Variants in PGAP3 observed in about 807,000 individuals in gnomAD.
PGAP3 encodes GPI-specific phospholipase A2-like PGAP3.
In PGAP3, 31 loss-of-function variants were observed where a neutral mutation model predicts 40.3. The ratio of observed to expected loss-of-function variants is 0.77; its 90% CI spans 0.58 to 1.04. The LOEUF (loss-of-function observed/expected upper bound fraction) is 1.04, where lower values mean the gene tolerates loss of function less well. Among genes scored for constraint, PGAP3 ranks in the 50% least tolerant of loss-of-function variants. The pLI, the probability that PGAP3 is intolerant of heterozygous loss-of-function variation, is 0.00. For synonymous variants in PGAP3, 191 were observed against 184.5 expected, an observed-to-expected ratio of 1.04 and a Z score of -0.29; for missense variants, 413 against 423.0, an observed-to-expected ratio of 0.98 and a Z score of 0.21.
chr17:39,680,209 G>A (rs886815536), intron 3 of PGAP3, among the ~76,000 whole-genome samples: 1 of 152,206 alleles, frequency 6.6e-6, no homozygotes, highest in African/African-American at 2.4e-5. Flanking sequence ...TCAGGCCCTG[G>A]AGCCAGACAG....
chr17:39,686,523 G>A (rs915888416), intron 1 of PGAP3, among the ~76,000 whole-genome samples: 6 of 151,062 alleles, frequency 4.0e-5, no homozygotes, highest in African/African-American at 1.5e-4. Flanking sequence ...CCTAAAGTGC[G>A]GGGATTGCAG....
chr17:39,687,223 C>T (rs1202863157), intron 1 of PGAP3, among the ~76,000 whole-genome samples: 3 of 152,186 alleles, frequency 2.0e-5, no homozygotes, highest in African/African-American at 7.2e-5. Flanking sequence ...TTGGGCAGGG[C>T]ATTTAATCTC....
In PGAP3 at chr17:39,682,825, T is replaced by A. The variant is rs551581983; in HGVS notation, c.432+1772A>T. ...CGAGCACGGTGGCTGATGCCTGTAATCCCAGCACTTTGGGAGGGTGAGGTG... is the reference window on the plus strand; with the variant it reads ...CGAGCACGGTGGCTGATGCCTGTAAACCCAGCACTTTGGGAGGGTGAGGTG... On this transcript the variant is annotated intron_variant, in intron 3 of 7. Coordinates refer to ENST00000300658, the MANE Select transcript of PGAP3 (RefSeq NM_033419.5). 1.3e-4 allele frequency among the ~76,000 whole-genome samples: 20 copies of A among 152,232 alleles called. No individual in the cohort carries two copies. In the East Asian group the frequency reaches 3.5e-3, roughly 26 times the overall value.
rs144614117 is a variant in PGAP3, at chr17:39,676,929, A to T, written c.433-2250T>A. On this transcript the variant is annotated intron_variant, in intron 3 of 7. Transcript: ENST00000300658. ...AGGCCTAAGAGGATGTCTGCCTCCCACTCTCCCTGCAGGCCAAGGATGTTT... is the reference window on the plus strand; with the variant it reads ...AGGCCTAAGAGGATGTCTGCCTCCCTCTCTCCCTGCAGGCCAAGGATGTTT... 5.3e-5 allele frequency among the ~76,000 whole-genome samples: 8 copies of T among 151,732 alleles called. No individual in the cohort carries two copies. The South Asian group carries it at 1.7e-3, about 32-fold the overall frequency.
chr17:39,675,357 G>T (rs529288083), intron 3 of PGAP3, among the ~76,000 whole-genome samples: 1 of 152,220 alleles, frequency 6.6e-6, no homozygotes, highest in African/African-American at 2.4e-5. Flanking sequence ...AATTAGCTGC[G>T]TGGAGAGAGC....
rs936330728 is a variant in PGAP3, at chr17:39,671,153, C to T, written c.*1650G>A. 1.3e-5 allele frequency: 2 copies of T among 152,500 alleles called. No homozygotes were observed. Among genetic ancestry groups the T allele is most frequent in the Non-Finnish European group, 2.9e-5 (2 of 68,048 alleles). 9.4% of individuals were successfully genotyped at this position (152,500 alleles called of 1,614,324 possible). A position where few individuals can be genotyped will look rare whatever the true frequency, so the allele number is the denominator to read the frequency against. On this transcript the variant is annotated 3_prime_UTR_variant, in exon 8 of 8. Transcript: ENST00000300658. ...TTGGAATTGATTTATTAAGCACATC[C>T]CTTGCCACCCTCCCACCTTAAAAGT...
chr17:39,677,389 T>C (rs1033334306), intron 3 of PGAP3, among the ~76,000 whole-genome samples: 36 of 152,060 alleles, frequency 2.4e-4, no homozygotes, highest in African/African-American at 8.2e-4. Flanking sequence ...TCAGGGTCTC[T>C]CCATTCCAGA....
intron 3 of PGAP3, among the ~76,000 whole-genome samples, chr17:39,675,048 ACCC>A (rs2057359050): frequency 2.7e-5 from 1 of 37,112 alleles, no homozygotes; most frequent in African/African-American, 4.5e-5. Context: ...GCACCACCCC[ACCC>A]GGGCCCAGGG....
intron 1 of PGAP3, among the ~76,000 whole-genome samples, 174 bp downstream of exon 1, chr17:39,687,660 G>T (rs1028525071): frequency 6.6e-6 from 1 of 152,268 alleles, no homozygotes; most frequent in South Asian, 2.1e-4. Context: ...GTAAATGAAA[G>T]CTTCTGGGAA....
intron 5 of PGAP3, 29 bp downstream of exon 5, chr17:39,673,964 T>TGCCCCTGCAGCCACCCAG (rs1322519196): frequency 1.2e-6 from 2 of 1,610,676 alleles, no homozygotes; most frequent in Middle Eastern, 1.7e-4. Flanking sequence ...GGTTCGATTT[T>TGCCCCTGCAGCCACCCAG]GCCCCTGCAG....
At chr17:39,683,606 T>C (rs2145137198) in intron 3 of PGAP3, among the ~76,000 whole-genome samples, 1 of 152,310 alleles carries the variant, frequency 6.6e-6, no homozygotes, top group East Asian at 1.9e-4. Flanking sequence ...ATTTTTTCCT[T>C]AAGGCTTACA....
At chr17:39,678,985 C>T (rs186401873) in intron 3 of PGAP3, among the ~76,000 whole-genome samples, 2 of 152,164 alleles carry the variant, frequency 1.3e-5, no homozygotes, top group African/African-American at 2.4e-5. Flanking sequence ...GATGGAGTCT[C>T]GCCCAGTCAC....
Position 39,682,225 on chromosome 17 carries a change from C to CAAAAAAA in PGAP3, c.432+2365_432+2371dup, listed in dbSNP as rs60959390. On this transcript the variant is annotated intron_variant, in intron 3 of 7. Transcript: ENST00000300658. ...TGGGTGACAGAGTGAGACTCTGTCT[C>CAAAAAAA]AAAAAAAAAAAAAAAAAAAAAAAAA... is the stretch of plus-strand genomic sequence containing the variant. Among the ~76,000 whole-genome samples, 5 of 22,830 alleles carry CAAAAAAA rather than the reference C, an allele frequency of 2.2e-4. 1 individual carries two copies. The highest frequency in any genetic ancestry group is 4.0e-4 in the African/African-American group (3 of 7,550). 15.0% of individuals were successfully genotyped at this position (22,830 alleles called of 152,430 possible).
chr17:39,687,275 C>A (rs956628435), intron 1 of PGAP3, among the ~76,000 whole-genome samples: 9 of 152,204 alleles, frequency 5.9e-5, no homozygotes, highest in Non-Finnish European at 1.3e-4. Context: ...GAAACTATCT[C>A]AAAGGGTGTG....
chr17:39,674,712 C>A, intron 3 of PGAP3, 33 bp from the exon 4 acceptor site: 1 of 1,536,544 alleles, frequency 6.5e-7, no homozygotes, highest in Middle Eastern at 1.7e-4. Context: ...GCATGCTGCC[C>A]CCCACCCTGA....
intron 2 of PGAP3, among the ~76,000 whole-genome samples, chr17:39,685,619 C>A (rs1284578921): frequency 1.3e-5 from 2 of 152,108 alleles, no homozygotes; most frequent in Non-Finnish European, 2.9e-5. Context: ...AAACAAGCCA[C>A]AGTAGGTAAG....
Position 39,673,266 on chromosome 17 carries a change from G to A in PGAP3, c.695-11C>T. ...CCACGTTGACCAGGCCTGGGTGCCA[G>A]TGGGGGCAGGAGAGACTCATTCCTT... On this transcript the variant is annotated splice_polypyrimidine_tract_variant and intron_variant, in intron 6 of 7. Transcript: ENST00000300658. 2 of 1,556,536 alleles carry A rather than the reference G, an allele frequency of 1.3e-6. No individual in the cohort carries two copies. The highest frequency in any genetic ancestry group is 1.7e-6 in the Non-Finnish European group (2 of 1,150,594).
At chr17:39,686,255 CTTTT>C (rs1010484487) in intron 1 of PGAP3, among the ~76,000 whole-genome samples, 4 of 151,826 alleles carry the variant, frequency 2.6e-5, no homozygotes, top group African/African-American at 9.7e-5. Flanking sequence ...AGATATTCGT[CTTTT>C]TTTTGTTTGT....
At chr17:39,675,623 A>T (rs1346939396) in intron 3 of PGAP3, among the ~76,000 whole-genome samples, 2 of 152,188 alleles carry the variant, frequency 1.3e-5, no homozygotes, top group Non-Finnish European at 2.9e-5. Flanking sequence ...GTTGGCTCCA[A>T]TGTACCAGGA....
Sources: gnomAD v4.1 joint callset for allele counts (sites outside exome capture counted in the v4.1 genomes callset) on GRCh38, gnomAD v4.1.1 for gene constraint, MANE v1.5 for transcripts, NCBI Gene and HGNC (gene_info 2026-07-23, HGNC 2026-07-21) for gene names.